Variants in MAP2K5 observed in about 807,000 individuals in gnomAD.
MAP2K5 encodes dual specificity mitogen-activated protein kinase kinase 5.
MAP2K5 carries 49 observed loss-of-function variants against 83.1 expected under a neutral mutation model. That is an observed-to-expected ratio of 0.59 (90% confidence interval 0.47 to 0.75). The LOEUF is 0.75. Among genes scored for constraint, MAP2K5 ranks in the 30% least tolerant of loss-of-function variants. The pLI, the probability that MAP2K5 is intolerant of heterozygous loss-of-function variation, is 0.00. For synonymous variants in MAP2K5, 202 were observed against 191.8 expected (o/e 1.05, Z -0.44); for missense variants, 457 against 557.5 (o/e 0.82, Z 1.82).
At chr15:67,743,231 G>T (rs1469206070) in intron 17 of MAP2K5, among the ~76,000 whole-genome samples, 1 of 152,232 alleles carries the variant, frequency 6.6e-6, no homozygotes, top group Non-Finnish European at 1.5e-5. Context: ...GTGCCAGTGA[G>T]TAGATCTTAG....
At chr15:67,589,608 T>A (rs904252753) in intron 6 of MAP2K5, among the ~76,000 whole-genome samples, 4 of 152,236 alleles carry the variant, frequency 2.6e-5, no homozygotes, top group Admixed American at 6.5e-5. Flanking sequence ...ATAAATGCAA[T>A]GAATCAAAAT....
rs948096720 is a variant in MAP2K5 at position 67,782,667 on chromosome 15, G to C, written c.1242+9915G>C. Among the ~76,000 whole-genome samples the C allele has an allele frequency of 6.6e-6, 1 of 152,140 alleles. No individual in the cohort carries two copies. The highest frequency in any genetic ancestry group is 2.4e-5 in the African/African-American group (1 of 41,434). On this transcript the variant is annotated intron_variant, in intron 21 of 21. Coordinates refer to ENST00000178640, the MANE Select transcript of MAP2K5 (RefSeq NM_145160.3). This position sits in a 1 kb window ranked among gnomAD's most constrained non-coding sequence, Gnocchi z 4.9. ...CAATCAACCCCTGTGCTCACAGCCT[G>C]CTCCAGTTTCTAATTTTTAAATTAA...
intron 17 of MAP2K5, among the ~76,000 whole-genome samples, chr15:67,739,067 C>A (rs1018346744): frequency 6.6e-6 from 1 of 151,942 alleles, no homozygotes; most frequent in African/African-American, 2.4e-5. Flanking sequence ...CTCACGTGAG[C>A]CCAGGAGTTT....
chr15:67,646,331 A>G (rs1462918939), intron 10 of MAP2K5, 32 bp downstream of exon 10: 1 of 1,400,758 alleles, frequency 7.1e-7, no homozygotes, highest in Admixed American at 1.8e-5. Context: ...TTTGTAAAGC[A>G]TGCCTATGGT....
chr15:67,789,051 C>T (rs2090468413), intron 21 of MAP2K5, among the ~76,000 whole-genome samples: 1 of 151,818 alleles, frequency 6.6e-6, no homozygotes, highest in South Asian at 2.1e-4. Context: ...CCATATCTTC[C>T]AGCCCTAATC....
Position 67,563,246 on chromosome 15 carries a change from G to A in MAP2K5, c.185-37G>A, listed in dbSNP as rs2080481234. 6.3e-7 allele frequency: 1 copy of A among 1,598,192 alleles called. No individual in the cohort carries two copies. Among genetic ancestry groups the A allele is most frequent in the Admixed American group, 1.8e-5 (1 of 56,762 alleles). On this transcript the variant is annotated intron_variant, in intron 2 of 21. Transcript: ENST00000178640. The surrounding 1 kb of genome is among the most constrained non-coding windows in gnomAD (Gnocchi z 4.5). ...TGTTCCCTTTGTGCATTAAACAAAT[G>A]CACACCTTATCATTTGCATTATGTG...
chr15:67,678,406 C>T (rs1335885024), intron 13 of MAP2K5, among the ~76,000 whole-genome samples: 2 of 152,184 alleles, frequency 1.3e-5, no homozygotes, highest in African/African-American at 4.8e-5. Context: ...CATCCCACAA[C>T]AGCCACATGC....
intron 3 of MAP2K5, among the ~76,000 whole-genome samples, chr15:67,564,794 C>A (rs1224955172): frequency 6.6e-6 from 1 of 152,192 alleles, no homozygotes; most frequent in East Asian, 1.9e-4. Context: ...CAGATGGGTT[C>A]TAATTTTCTC....
At chr15:67,669,503 A>G (rs1037930246) in intron 13 of MAP2K5, among the ~76,000 whole-genome samples, 1 of 152,144 alleles carries the variant, frequency 6.6e-6, no homozygotes, top group African/African-American at 2.4e-5. Flanking sequence ...TTAGTGGAAC[A>G]GCAAAGAGGC....
chr15:67,763,020 A>G (rs977482555), intron 19 of MAP2K5, among the ~76,000 whole-genome samples: 1 of 152,196 alleles, frequency 6.6e-6, no homozygotes, highest in African/African-American at 2.4e-5. Context: ...GGGGTGAGCC[A>G]GTGTGGAAAT....
chr15:67,616,893 T>G (rs936736634), intron 8 of MAP2K5, among the ~76,000 whole-genome samples: 1 of 152,220 alleles, frequency 6.6e-6, no homozygotes, highest in Non-Finnish European at 1.5e-5. Context: ...CTATAAATAA[T>G]TCACAGAGTA....
chr15:67,727,953 T>C lies in MAP2K5; in HGVS notation c.1074+8T>C. On this transcript the variant is annotated splice_region_variant and intron_variant, in intron 17 of 21. Coordinates refer to ENST00000178640, the MANE Select transcript of MAP2K5 (RefSeq NM_145160.3). ...AGGTTTCCATATCCTCAGGTAAGAT[T>C]GTTCATTACTGCTGTTTGCCACTGT... The C allele has an allele frequency of 1.2e-6, 2 of 1,609,192 alleles. No homozygotes were observed. The highest frequency in any genetic ancestry group is 1.7e-6 in the Non-Finnish European group (2 of 1,175,516).
chr15:67,693,632 T>A, intron 15 of MAP2K5, 64 bp downstream of exon 15: 1 of 1,209,430 alleles, frequency 8.3e-7, no homozygotes, highest in Non-Finnish European at 1.2e-6. Context: ...TACTTGGTAA[T>A]GTATAATTCT....
chr15:67,636,188 G>A lies in MAP2K5; in HGVS notation c.585+5261G>A, dbSNP rs952081732. 3.9e-5 allele frequency among the ~76,000 whole-genome samples: 6 copies of A among 152,124 alleles called. No homozygotes were observed. Among genetic ancestry groups the A allele is most frequent in the East Asian group, 3.9e-4 (2 of 5,186 alleles). Reference sequence around the variant, plus strand: ...AGCACTTTGAAAGGCTGAGGTGGGCGGATCATGAGGTCAGGAGATCGAGAC... The same window carrying A: ...AGCACTTTGAAAGGCTGAGGTGGGCAGATCATGAGGTCAGGAGATCGAGAC... On this transcript the variant is annotated intron_variant, in intron 9 of 21. Transcript: ENST00000178640. This position sits in a 1 kb window ranked among gnomAD's most constrained non-coding sequence, Gnocchi z 4.7.
chr15:67,642,113 C>T (rs1284715622), intron 9 of MAP2K5, among the ~76,000 whole-genome samples: 1 of 152,206 alleles, frequency 6.6e-6, no homozygotes, highest in Non-Finnish European at 1.5e-5. Flanking sequence ...CAGATTAGCT[C>T]CACAAATACA....
Position 67,559,543 on chromosome 15 carries a change from A to G in MAP2K5, c.185-3740A>G, listed in dbSNP as rs560819452. ...CTTTTCCCAAACTCTGCCATTTTGT[A>G]TATTTGTGACACACTGCAGATTTTG... On this transcript the variant is annotated intron_variant, in intron 2 of 21. Transcript: ENST00000178640. This position sits in a 1 kb window ranked among gnomAD's most constrained non-coding sequence, Gnocchi z 4.7. Among the ~76,000 whole-genome samples the G allele has an allele frequency of 3.3e-5, 5 of 152,266 alleles. No individual in the cohort carries two copies. Among genetic ancestry groups the G allele is most frequent in the Admixed American group, 2.6e-4 (4 of 15,294 alleles).
At chr15:67,798,380 A>G (rs192840878) in intron 21 of MAP2K5, among the ~76,000 whole-genome samples, 71 of 152,326 alleles carry the variant, frequency 4.7e-4, no homozygotes, top group Admixed American at 4.1e-3. Context: ...CAATTCTGCC[A>G]TTCACAAGGA....
chr15:67,750,739 A>G lies in MAP2K5; in HGVS notation c.1134+2138A>G, dbSNP rs976657448. ...CTTCCCCTTTAGTTCCCACAGGGCA[A>G]TTAGCTAGCTATCTTCATTTGCATC... On this transcript the variant is annotated intron_variant, in intron 19 of 21. Transcript: ENST00000178640. This position sits in a 1 kb window ranked among gnomAD's most constrained non-coding sequence, Gnocchi z 4.2. Among the ~76,000 whole-genome samples, 10 of 152,256 alleles carry G rather than the reference A, an allele frequency of 6.6e-5. No homozygotes were observed. The South Asian group carries it at 1.0e-3, about 16-fold the overall frequency.
rs958843015 is a variant in MAP2K5 at position 67,786,637 on chromosome 15, A to G, written c.1242+13885A>G. The stretch of plus-strand genomic sequence containing the variant: ...GAGGATGCCTGGCTCGGGCCTGAGT[A>G]CAGAACTTGGAAAGTGGTGGTACAA... On this transcript the variant is annotated intron_variant, in intron 21 of 21. Coordinates refer to ENST00000178640, the MANE Select transcript of MAP2K5 (RefSeq NM_145160.3). This position sits in a 1 kb window ranked among gnomAD's most constrained non-coding sequence, Gnocchi z 4.7. Among the ~76,000 whole-genome samples the G allele has an allele frequency of 3.3e-5, 5 of 152,182 alleles. No homozygotes were observed.
Sources: allele counts gnomAD v4.1 joint callset (sites outside exome capture counted in the v4.1 genomes callset), GRCh38; gene constraint gnomAD v4.1.1; non-coding constraint Gnocchi (gnomAD v3.1); transcripts MANE v1.5; gene names NCBI Gene and HGNC (gene_info 2026-07-23, HGNC 2026-07-21).